ALKBH1: variants seen among roughly 807,000 people sequenced by gnomAD.
ALKBH1 encodes the protein nucleic acid dioxygenase ALKBH1.
A neutral mutation model predicts 36.6 loss-of-function variants in ALKBH1; 31 were observed. That is an observed-to-expected ratio of 0.85 (90% CI 0.64 to 1.14). ALKBH1 has a LOEUF of 1.14. Among genes scored for constraint, ALKBH1 ranks in the 50% most tolerant of loss-of-function variants. The pLI, the probability that ALKBH1 is intolerant of heterozygous loss-of-function variation, is 0.00. For missense variants in ALKBH1, 490 were observed against 497.3 expected (o/e 0.99, Z 0.14); for synonymous variants, 183 against 186.6 (o/e 0.98, Z 0.16).
chr14:77,694,293 AAT>A (rs1360743685), intron 3 of ALKBH1, among the ~76,000 whole-genome samples: 5 of 152,228 alleles, frequency 3.3e-5, no homozygotes, highest in Admixed American at 1.3e-4. Context: ...TGAAGGTGAA[AAT>A]ATTAGTTATT....
At chr14:77,701,978 G>A (rs1057490839) in intron 2 of ALKBH1, among the ~76,000 whole-genome samples, 4 of 152,140 alleles carry the variant, frequency 2.6e-5, no homozygotes, top group African/African-American at 7.2e-5. Flanking sequence ...AGAAAGCCTA[G>A]AGCAACAGAG....
At chr14:77,685,999 C>A (rs1295403069) in intron 3 of ALKBH1, among the ~76,000 whole-genome samples, 1 of 152,148 alleles carries the variant, frequency 6.6e-6, no homozygotes, top group Non-Finnish European at 1.5e-5. Flanking sequence ...ATTTTATATT[C>A]TCTTCTGAAA....
At chr14:77,699,582 G>C (rs909440531) in intron 2 of ALKBH1, among the ~76,000 whole-genome samples, 1 of 152,172 alleles carries the variant, frequency 6.6e-6, no homozygotes, top group Admixed American at 6.5e-5. Flanking sequence ...GAATTTCAGA[G>C]GGGTAACATG....
At chr14:77,674,329 T>C in intron 5 of ALKBH1, 88 bp from the exon 6 acceptor site, 1 of 1,342,302 alleles carries the variant, frequency 7.4e-7, no homozygotes, top group Non-Finnish European at 9.9e-7. Context: ...GCCAACTGTG[T>C]TATTTTGTAA....
At chr14:77,694,367 T>C (rs1595055860) in intron 3 of ALKBH1, among the ~76,000 whole-genome samples, 2 of 152,134 alleles carry the variant, frequency 1.3e-5, no homozygotes, top group Non-Finnish European at 2.9e-5. Context: ...TCTAGGAGGG[T>C]AGAAGCAAAG....
chr14:77,690,942 T>C (rs1207164131), intron 3 of ALKBH1, among the ~76,000 whole-genome samples: 4 of 152,120 alleles, frequency 2.6e-5, no homozygotes, highest in Admixed American at 1.3e-4. Context: ...GCTGGGATTA[T>C]AGGCATGCGC....
intron 3 of ALKBH1, among the ~76,000 whole-genome samples, chr14:77,694,437 A>G (rs746379794): frequency 4.6e-5 from 7 of 152,242 alleles, no homozygotes; most frequent in Non-Finnish European, 1.0e-4. Flanking sequence ...CACTTTAAGT[A>G]GAAAAAAATG....
chr14:77,680,901 C>A (rs779628699), intron 3 of ALKBH1, among the ~76,000 whole-genome samples: 4 of 152,052 alleles, frequency 2.6e-5, no homozygotes, highest in Non-Finnish European at 5.9e-5. Flanking sequence ...GTCTCGAACT[C>A]CTGACCTCAG....
intron 1 of ALKBH1, 44 bp from the exon 2 acceptor site, chr14:77,704,521 C>T (rs768143242): frequency 1.8e-5 from 27 of 1,513,216 alleles, no homozygotes; most frequent in Middle Eastern, 1.7e-4. Flanking sequence ...ATCTATTTTG[C>T]AGGTCAACCC....
Position 77,694,850 on chromosome 14 carries a change from C to T in ALKBH1, c.343G>A (p.Val115Met). 6.3e-7 allele frequency: 1 copy of T among 1,593,596 alleles called. No individual in the cohort carries two copies. The highest frequency in any genetic ancestry group is 8.5e-7 in the Non-Finnish European group (1 of 1,170,882). The change falls in exon 3 of 6, where the codon GTG (valine) becomes ATG (methionine). Residue 115 changes from valine to methionine, a missense_variant. Transcript: ENST00000216489. ...GAATATAACTTAAGGCACTGTTTCA[C>T]CCAGTGCCACTGGTAACCTGGGAGG... Reference protein sequence around the residue: ...PFLPGYQWHWVKQCLKLYSQK... With the variant: ...PFLPGYQWHWMKQCLKLYSQK...
Position 77,673,280 on chromosome 14 carries a change from T to C in ALKBH1, c.*532A>G, listed in dbSNP as rs1241254587. ...TAAAAGACAAGATTTTCCAGTTCCA[T>C]TGTTTTCATGTGTAAAGGATTCTTC... On this transcript the variant is annotated 3_prime_UTR_variant, in exon 6 of 6. Coordinates refer to ENST00000216489, the MANE Select transcript of ALKBH1 (RefSeq NM_006020.3). The C allele has an allele frequency of 6.5e-6, 1 of 153,124 alleles. No homozygotes were observed. The highest frequency in any genetic ancestry group is 6.5e-5 in the Admixed American group (1 of 15,466). The allele number at this position is 153,124 out of a possible 1,614,324, so 9.5% of individuals were successfully genotyped here.
In ALKBH1 at chr14:77,707,821, C is replaced by A. The variant is rs2080404842; in HGVS notation, c.183+1G>T. The A allele has an allele frequency of 1.2e-6, 2 of 1,603,050 alleles. No individual in the cohort carries two copies. Among genetic ancestry groups the A allele is most frequent in the South Asian group, 2.2e-5 (2 of 90,298 alleles). On this transcript the variant is annotated splice_donor_variant, in intron 1 of 5. Coordinates refer to ENST00000216489, the MANE Select transcript of ALKBH1 (RefSeq NM_006020.3). LOFTEE classifies it high-confidence loss of function. ...GACGCGCGCCACTCCTCTCTCTGTA[C>A]CTTTTGGGCACCAGGACCCTTGCCA...
Position 77,704,434 on chromosome 14 carries a change from T to C in ALKBH1, c.227A>G (p.Asn76Ser). 6.2e-7 allele frequency: 1 copy of C among 1,614,160 alleles called. No homozygotes were observed. The highest frequency in any genetic ancestry group is 1.3e-5 in the African/African-American group (1 of 75,048). The change falls in exon 2 of 6, where the codon AAT (asparagine) becomes AGT (serine). Residue 76 changes from asparagine to serine, a missense_variant. Transcript: ENST00000216489. ...QLNVSSVSEQ[N>S]AYRAGLQPVS... is the part of the protein sequence containing the mutation. ...GGGCTGAAGACCTGCTCTATATGCATTCTGCTCACTGACAGAAGACACATT... is the reference window on the plus strand; with the variant it reads ...GGGCTGAAGACCTGCTCTATATGCACTCTGCTCACTGACAGAAGACACATT...
intron 3 of ALKBH1, among the ~76,000 whole-genome samples, chr14:77,689,636 G>A (rs530341752): frequency 6.6e-6 from 1 of 152,268 alleles, no homozygotes; most frequent in South Asian, 2.1e-4. Context: ...AATGGAAGGA[G>A]ACAGGGGTAG....
intron 2 of ALKBH1, among the ~76,000 whole-genome samples, chr14:77,698,146 T>C (rs1258638666): frequency 2.0e-5 from 3 of 151,740 alleles, no homozygotes; most frequent in African/African-American, 7.3e-5. Flanking sequence ...CACAGAAAAA[T>C]AGAGTTAAGA....
chr14:77,700,049 G>T lies in ALKBH1; in HGVS notation c.292+4320C>A, dbSNP rs1021361148. The stretch of plus-strand genomic sequence containing the variant: ...CAGCCTGGGCGACAAGCAAGACTCT[G>T]TCTCAAAAAATAAATAAATAAATAA... On this transcript the variant is annotated intron_variant, in intron 2 of 5. Transcript: ENST00000216489. Among the ~76,000 whole-genome samples, 5 of 151,824 alleles carry T rather than the reference G, an allele frequency of 3.3e-5. No homozygotes were observed. In the East Asian group the frequency reaches 9.6e-4, roughly 29 times the overall value.
Position 77,675,685 on chromosome 14 carries a change from T to C in ALKBH1, c.711A>G (p.Leu237=). ...ATGACAGCAAGGGTTTGGAGTGATC[T>C]AGCTCAGATCTGTCTACGTGGATTC... ...TLGIHVDRSE[L]DHSKPLLSFS... Residue 237 remains leucine (L), a synonymous_variant, in exon 5 of 6, where the codon CTA becomes CTG. Transcript: ENST00000216489. The C allele has an allele frequency of 6.2e-7, 1 of 1,614,156 alleles. No individual in the cohort carries two copies. Among genetic ancestry groups the C allele is most frequent in the South Asian group, 1.1e-5 (1 of 91,068 alleles).
chr14:77,694,631 A>G (rs2080316812), intron 3 of ALKBH1, 107 bp downstream of exon 3: 5 of 969,022 alleles, frequency 5.2e-6, no homozygotes, highest in Non-Finnish European at 5.6e-6. Flanking sequence ...AAGGGAAAAA[A>G]AAACCCAGCC....
chr14:77,699,928 G>A (rs868340247), intron 2 of ALKBH1, among the ~76,000 whole-genome samples: 2 of 151,954 alleles, frequency 1.3e-5, no homozygotes, highest in East Asian at 3.9e-4. Context: ...GGTGGCGGGC[G>A]CCTGTAGTCT....
Sources: allele counts gnomAD v4.1 joint callset (sites outside exome capture counted in the v4.1 genomes callset), GRCh38; gene constraint gnomAD v4.1.1; transcripts MANE v1.5; gene names NCBI Gene and HGNC (gene_info 2026-07-23, HGNC 2026-07-21).